The following GPR35 variants were observed in gnomAD, a reference collection of about 807,000 sequenced individuals.
GPR35 encodes the protein G protein-coupled receptor 35, also known as KYNA receptor.
For synonymous variants in GPR35, 207 were observed against 198.4 expected, an observed-to-expected ratio of 1.04 and a Z score of -0.36; for missense variants, 372 against 422.5, an observed-to-expected ratio of 0.88 and a Z score of 1.05.
chr2:240,629,592 T>TG (rs1355991703), intron 1 of GPR35: 1 of 210,634 alleles, frequency 4.7e-6, no homozygotes, highest in Non-Finnish European at 9.5e-6. Context: ...GTAAGGCTGG[T>TG]GGCCCTTTGG....
In GPR35 at chr2:240,630,808, G is replaced by A. The variant is rs764025499; in HGVS notation, c.856G>A (p.Ala286Thr). The A allele has an allele frequency of 6.2e-7, 1 of 1,613,338 alleles. No homozygotes were observed. The highest frequency in any genetic ancestry group is 8.5e-7 in the Non-Finnish European group (1 of 1,180,004). The change falls in exon 2 of 2, where the codon GCG becomes ACG. Residue 286 changes from alanine (A) to threonine (T), a missense_variant. Ala to Thr is a moderately conservative substitution (Grantham distance 58). Coordinates refer to ENST00000407714, the MANE Select transcript of GPR35 (RefSeq NM_005301.5). ...YYYMAKEFQE[A>T]SALAVAPSAK... ...CTACATGGCCAAGGAGTTCCAGGAG[G>A]CGTCTGCACTGGCCGTGGCTCCCAG...
At chr2:240,615,897 C>T (rs1039366243) in intron 2 of GPR35, among the ~76,000 whole-genome samples, 1 of 152,172 alleles carries the variant, frequency 6.6e-6, no homozygotes. Flanking sequence ...CCACCTTATA[C>T]GTTTTTAAAA....
At chr2:240,622,461 C>T (rs546201737), upstream of GPR35, among the ~76,000 whole-genome samples, 34 of 152,318 alleles carry the variant, frequency 2.2e-4, no homozygotes, top group East Asian at 2.3e-3. Context: ...TTCCCCGGGC[C>T]GCATTGGAAT....
chr2:240,608,931 A>G (rs1049180486), intron 2 of GPR35, among the ~76,000 whole-genome samples: 1 of 152,060 alleles, frequency 6.6e-6, no homozygotes, highest in African/African-American at 2.4e-5. Flanking sequence ...GTTACATTTT[A>G]TTTTTCTTGT....
At chr2:240,629,470 C>G (rs1255306662) in intron 1 of GPR35, 2 of 156,522 alleles carry the variant, frequency 1.3e-5, no homozygotes, top group Non-Finnish European at 2.8e-5. Context: ...AGCCGGGTGC[C>G]AGGAGGGGTG....
intron 4 of GPR35, among the ~76,000 whole-genome samples, chr2:240,618,283 A>C (rs189028840): frequency 4.6e-5 from 7 of 152,344 alleles, no homozygotes; most frequent in Non-Finnish European, 1.0e-4. Flanking sequence ...ACTACCATCA[A>C]CAGTATATAA....
chr2:240,610,775 C>T (rs933890735), intron 2 of GPR35, among the ~76,000 whole-genome samples: 4 of 151,870 alleles, frequency 2.6e-5, no homozygotes, highest in Non-Finnish European at 4.4e-5. Flanking sequence ...GCTGGGACTA[C>T]AGGCGCCCGC....
At chr2:240,620,612 C>T (rs2043282912), upstream of GPR35, among the ~76,000 whole-genome samples, 1 of 152,136 alleles carries the variant, frequency 6.6e-6, no homozygotes. Flanking sequence ...CCCTGCTCGT[C>T]CTGCGGTGGT....
intron 2 of GPR35, among the ~76,000 whole-genome samples, chr2:240,614,408 G>T (rs369580560): frequency 2.0e-5 from 3 of 152,146 alleles, no homozygotes; most frequent in Admixed American, 1.3e-4. Flanking sequence ...CACCTTAACC[G>T]TCACCTTCAC....
intron 2 of GPR35, among the ~76,000 whole-genome samples, chr2:240,615,155 G>A (rs768981789): frequency 2.0e-5 from 3 of 152,092 alleles, no homozygotes; most frequent in Non-Finnish European, 4.4e-5. Context: ...GTGGACAGGC[G>A]AGGGAGAAGC....
At chr2:240,617,069 G>A in intron 3 of GPR35, 2 of 718,870 alleles carry the variant, frequency 2.8e-6, no homozygotes, top group Admixed American at 4.0e-5. Context: ...ACTCATGAAA[G>A]ACCTGAAACT....
chr2:240,627,137 G>A (rs1324271681), intron 1 of GPR35, among the ~76,000 whole-genome samples: 11 of 152,170 alleles, frequency 7.2e-5, no homozygotes, highest in Admixed American at 6.5e-4. Context: ...GGTGTCTGTC[G>A]AGGAAGACAG....
chr2:240,620,030 A>G (rs1040246191), intron 5 of GPR35, among the ~76,000 whole-genome samples: 1 of 152,180 alleles, frequency 6.6e-6, no homozygotes, highest in Non-Finnish European at 1.5e-5. Flanking sequence ...AGCCTTGTGC[A>G]GAGGAAGGGG....
At position 240,631,849 on chromosome 2, in the gene GPR35, A is replaced by C. The variant is rs1021555031; in HGVS notation, c.*967A>C. 3.9e-5 allele frequency among the ~76,000 whole-genome samples: 6 copies of C among 152,314 alleles called. No individual in the cohort carries two copies. The highest frequency in any genetic ancestry group is 1.4e-4 in the African/African-American group (6 of 41,578). ...GGCTCAAACCCCATCCTGTCATCCC[A>C]TATTGCATGTCCACAGGCACCGCCC... On this transcript the variant is annotated 3_prime_UTR_variant, in exon 2 of 2. Coordinates refer to ENST00000407714, the MANE Select transcript of GPR35 (RefSeq NM_005301.5).
At chr2:240,622,148 G>A (rs1373699056), upstream of GPR35, among the ~76,000 whole-genome samples, 1 of 152,160 alleles carries the variant, frequency 6.6e-6, no homozygotes, top group African/African-American at 2.4e-5. Context: ...CCAAAGTGCT[G>A]GGATTAGAGG....
chr2:240,631,041 G>A lies in GPR35; in HGVS notation c.*159G>A, dbSNP rs1430858288. ...GTGGGCAGGGACGGCCCAGGTACCT[G>A]CTCTCTTGGGAAGAGAGAGGGACAG... On this transcript the variant is annotated 3_prime_UTR_variant, in exon 2 of 2. Transcript: ENST00000407714. The A allele has an allele frequency of 3.1e-6, 2 of 644,416 alleles. No individual in the cohort carries two copies. 39.9% of individuals were successfully genotyped at this position (644,416 alleles called of 1,614,324 possible).
intron 2 of GPR35, chr2:240,616,255 A>T (rs1394364472): frequency 4.8e-6 from 3 of 629,866 alleles, no homozygotes; most frequent in African/African-American, 1.8e-5. Context: ...GTGACCTTCC[A>T]TTGGGCTCGT....
At chr2:240,629,707 G>A in intron 1 of GPR35, 4 of 443,484 alleles carry the variant, frequency 9.0e-6, no homozygotes, top group Non-Finnish European at 1.6e-5. Flanking sequence ...CATGACAGCA[G>A]GCAGATCCCA....
At chr2:240,609,385 C>G (rs367779689) in intron 2 of GPR35, among the ~76,000 whole-genome samples, 10 of 152,304 alleles carry the variant, frequency 6.6e-5, no homozygotes, top group African/African-American at 2.4e-4. Context: ...CTAACCTTAT[C>G]TCACAAAGAC....
Sources: allele counts gnomAD v4.1 joint callset (sites outside exome capture counted in the v4.1 genomes callset), GRCh38; gene constraint gnomAD v4.1.1; transcripts MANE v1.5; gene names NCBI Gene and HGNC (gene_info 2026-07-23, HGNC 2026-07-21).